NKAIN2: variants seen among roughly 807,000 people sequenced by gnomAD.
NKAIN2 encodes the protein sodium/potassium-transporting ATPase subunit beta-1-interacting protein 2.
NKAIN2 carries 14 observed loss-of-function variants against 32.6 expected under a neutral mutation model. The ratio of observed to expected loss-of-function variants is 0.43; its 90% CI spans 0.28 to 0.67. NKAIN2 has a LOEUF of 0.67. Among genes scored for constraint, NKAIN2 ranks in the 30% least tolerant of loss-of-function variants. The pLI is 0.17. For missense variants in NKAIN2, 198 were observed against 258.3 expected (o/e 0.77, Z 1.60); for synonymous variants, 80 against 87.2 (o/e 0.92, Z 0.46).
intron 1 of NKAIN2, among the ~76,000 whole-genome samples, chr6:124,142,789 A>G (rs1286835059): frequency 2.6e-5 from 4 of 152,318 alleles, no homozygotes; most frequent in Middle Eastern, 3.4e-3. Context: ...TAAAGCATTC[A>G]TTTTATCTCA....
intron 2 of NKAIN2, among the ~76,000 whole-genome samples, chr6:124,320,178 C>T (rs908379646): frequency 1.5e-4 from 23 of 152,138 alleles, no homozygotes; most frequent in Non-Finnish European, 2.6e-4. Flanking sequence ...TGGATATATT[C>T]CCATTTTGTT....
chr6:123,905,376 A>G (rs369680172), intron 1 of NKAIN2, among the ~76,000 whole-genome samples: 92 of 152,276 alleles, frequency 6.0e-4, no homozygotes, highest in Admixed American at 1.0e-3. Flanking sequence ...GTAAGGGATG[A>G]CAAATGAATC....
intron 1 of NKAIN2, among the ~76,000 whole-genome samples, chr6:124,213,536 A>G (rs751777772): frequency 1.3e-5 from 2 of 152,110 alleles, no homozygotes; most frequent in Non-Finnish European, 2.9e-5. Context: ...ACATAGACCA[A>G]GGGAAGAGTT....
intron 4 of NKAIN2, among the ~76,000 whole-genome samples, chr6:124,683,048 C>A (rs529549047): frequency 6.6e-6 from 1 of 152,284 alleles, no homozygotes; most frequent in East Asian, 1.9e-4. Context: ...ACACACTGTT[C>A]TTGGATCAAG....
chr6:123,895,493 A>G (rs1466939138), intron 1 of NKAIN2, among the ~76,000 whole-genome samples: 7 of 152,066 alleles, frequency 4.6e-5, no homozygotes, highest in Admixed American at 2.6e-4. Context: ...TTTCAGATCT[A>G]CCTATAAAGT....
At chr6:123,944,757 C>T (rs1019464150) in intron 1 of NKAIN2, among the ~76,000 whole-genome samples, 5 of 151,214 alleles carry the variant, frequency 3.3e-5, no homozygotes, top group African/African-American at 1.2e-4. Flanking sequence ...ATGACTTGGA[C>T]TTTTTTTTTA....
intron 3 of NKAIN2, among the ~76,000 whole-genome samples, chr6:124,422,744 G>T (rs185952635): frequency 6.6e-6 from 1 of 152,300 alleles, no homozygotes; most frequent in East Asian, 1.9e-4. Flanking sequence ...TCTCAACAGG[G>T]TTAGAATTGC....
At chr6:124,639,645 G>GTATATATAATATA (rs1432717190) in intron 3 of NKAIN2, among the ~76,000 whole-genome samples, 1 of 151,984 alleles carries the variant, frequency 6.6e-6, no homozygotes, top group Non-Finnish European at 1.5e-5. Context: ...AAAAAAAAAA[G>GTATATATAATATA]TATATATAAT....
intron 1 of NKAIN2, among the ~76,000 whole-genome samples, chr6:124,121,568 G>A (rs760584199): frequency 4.6e-5 from 7 of 152,024 alleles, no homozygotes; most frequent in Non-Finnish European, 7.4e-5. Context: ...ATTTTTGGAA[G>A]ACACGTTCAG....
chr6:124,280,568 T>C (rs1795242838), intron 1 of NKAIN2, among the ~76,000 whole-genome samples: 1 of 152,080 alleles, frequency 6.6e-6, no homozygotes, highest in Non-Finnish European at 1.5e-5. Context: ...TTACCTCCCT[T>C]GGTTTTGTGT....
At chr6:124,605,344 G>A (rs1583507569) in intron 3 of NKAIN2, among the ~76,000 whole-genome samples, 2 of 151,998 alleles carry the variant, frequency 1.3e-5, no homozygotes, top group African/African-American at 4.8e-5. Flanking sequence ...ATTTTCAAAC[G>A]GTGTAGCAAA....
intron 3 of NKAIN2, chr6:124,437,890 T>TTTTTTTTC: frequency 2.4e-6 from 1 of 415,956 alleles, no homozygotes; most frequent in Non-Finnish European, 4.7e-6. Context: ...TTTTTTTTTT[T>TTTTTTTTC]TCTTAACCCC....
intron 1 of NKAIN2, among the ~76,000 whole-genome samples, chr6:124,021,730 A>T (rs891120976): frequency 2.0e-5 from 3 of 152,048 alleles, no homozygotes; most frequent in African/African-American, 7.2e-5. Flanking sequence ...ACATAGATAT[A>T]TATAGACATA....
chr6:123,953,964 G>A (rs915781823), intron 1 of NKAIN2, among the ~76,000 whole-genome samples: 20 of 152,204 alleles, frequency 1.3e-4, no homozygotes, highest in African/African-American at 4.3e-4. Flanking sequence ...GCAACTACAG[G>A]TGTGGGAGTT....
intron 1 of NKAIN2, among the ~76,000 whole-genome samples, chr6:124,079,952 A>G (rs1229162787): frequency 1.3e-5 from 2 of 151,528 alleles, no homozygotes; most frequent in African/African-American, 4.8e-5. Flanking sequence ...AAAAAAAAAA[A>G]GGGAAAAAAC....
At chr6:124,364,817 T>C (rs57826288) in intron 3 of NKAIN2, among the ~76,000 whole-genome samples, 4,263 of 151,970 alleles carry the variant, frequency 0.028, 178 homozygotes, top group East Asian at 0.11. Flanking sequence ...ATGGAAAGAA[T>C]AACACAGGTT....
rs1273572761 is a variant in NKAIN2 at position 124,513,006 on chromosome 6, GT to G, written c.274-145175del. 1.7e-4 allele frequency among the ~76,000 whole-genome samples: 26 copies of G among 152,218 alleles called. No homozygotes were observed. In the East Asian group the frequency reaches 4.4e-3, roughly 26 times the overall value. On this transcript the variant is annotated intron_variant, in intron 3 of 6. Coordinates refer to ENST00000368417, the MANE Select transcript of NKAIN2 (RefSeq NM_001040214.3). ...AAAAAAAATTACCAAAATGACAGGT[GT>G]TTTTCCAACTGTGTTTCCTCTTCTG...
intron 3 of NKAIN2, among the ~76,000 whole-genome samples, chr6:124,487,552 G>C (rs545495793): frequency 6.6e-6 from 1 of 152,194 alleles, no homozygotes; most frequent in South Asian, 2.1e-4. Flanking sequence ...TAAGGAATAC[G>C]CATTTGAATA....
intron 3 of NKAIN2, among the ~76,000 whole-genome samples, chr6:124,606,962 A>G (rs1782525937): frequency 6.6e-6 from 1 of 152,208 alleles, no homozygotes; most frequent in African/African-American, 2.4e-5. Context: ...CAGATGGCTC[A>G]GTAAGGTCAT....
Sources: gnomAD v4.1 joint callset for allele counts (sites outside exome capture counted in the v4.1 genomes callset) on GRCh38, gnomAD v4.1.1 for gene constraint, MANE v1.5 for transcripts, NCBI Gene and HGNC (gene_info 2026-07-23, HGNC 2026-07-21) for gene names.